The following TMEM92 variants were observed in gnomAD, a reference collection of about 807,000 sequenced individuals.
The protein encoded by TMEM92 is transmembrane protein 92.
A neutral mutation model predicts 14.6 loss-of-function variants in TMEM92; 15 were observed. That is an observed-to-expected ratio of 1.03 (90% CI 0.69 to 1.58). The LOEUF (loss-of-function observed/expected upper bound fraction) is 1.58, where lower values mean the gene tolerates loss of function less well. Among genes scored for constraint, TMEM92 ranks in the 40% most tolerant of loss-of-function variants. TMEM92 has a pLI of 0.00. For missense variants in TMEM92, 174 were observed against 202.4 expected (o/e 0.86, Z 0.85); for synonymous variants, 85 against 83.3 (o/e 1.02, Z -0.11).
upstream of TMEM92, among the ~76,000 whole-genome samples, chr17:50,274,028 G>T (rs1195851604): frequency 6.6e-6 from 1 of 152,072 alleles, no homozygotes; most frequent in East Asian, 1.9e-4. Flanking sequence ...GCCCAGGCTG[G>T]AGTGCACTGG....
In TMEM92 at chr17:50,279,258, C is replaced by T. The variant is rs1354243825; in HGVS notation, c.430C>T (p.Pro144Ser). ...TEPPPPYSFR[P>S]EEYTGDQRGI... ...GCCACCCCCTCCCTACAGCTTCAGG[C>T]CTGAAGAATATACCGGGGATCAGAG... Residue 144 changes from proline to serine, a missense_variant, in exon 5 of 5, where the codon CCT becomes TCT. Transcript: ENST00000507382. The T allele has an allele frequency of 2.5e-6, 4 of 1,613,706 alleles. No individual in the cohort carries two copies. The highest frequency in any genetic ancestry group is 3.4e-6 in the Non-Finnish European group (4 of 1,179,902).
chr17:50,279,408 C>G lies in TMEM92; in HGVS notation c.*100C>G, dbSNP rs1049517461. 2.2e-6 allele frequency: 2 copies of G among 900,394 alleles called. No individual in the cohort carries two copies. The highest frequency in any genetic ancestry group is 3.6e-6 in the Non-Finnish European group (2 of 554,446). The allele number at this position is 900,394 out of a possible 1,614,324, so 55.8% of individuals were successfully genotyped here. The stretch of plus-strand genomic sequence containing the variant: ...GCACCCCAGGAATGTCCCTGCCCAT[C>G]CTGCCGTGTCTCTGTTCATTCTTGG... On this transcript the variant is annotated 3_prime_UTR_variant, in exon 5 of 5. Transcript: ENST00000507382.
At chr17:50,275,361 A>G (rs1450968686) in intron 1 of TMEM92, among the ~76,000 whole-genome samples, 1 of 152,066 alleles carries the variant, frequency 6.6e-6, no homozygotes. Context: ...GAGCTTTCAG[A>G]GAGGCTCTGC....
Position 50,279,254 on chromosome 17 carries a change from C to T in TMEM92, c.426C>T (p.Phe142=), listed in dbSNP as rs759472234. 14 of 1,613,832 alleles carry T rather than the reference C, an allele frequency of 8.7e-6. No individual in the cohort carries two copies. The highest frequency in any genetic ancestry group is 1.3e-5 in the African/African-American group (1 of 74,902). The part of the protein sequence containing the change: ...TPTEPPPPYS[F]RPEEYTGDQR... ...CAGAGCCACCCCCTCCCTACAGCTT[C>T]AGGCCTGAAGAATATACCGGGGATC... Residue 142 remains phenylalanine, a synonymous_variant, in exon 5 of 5, where the codon TTC becomes TTT. Transcript: ENST00000507382.
chr17:50,280,230 T>C lies in TMEM92; in HGVS notation c.*922T>C, dbSNP rs976206791. Reference sequence around the variant, plus strand: ...CAGGAAACCACCTGCTGGGAGACAATGGGGGTGGGGAAAAGCCCAGGAGAG... The same window carrying C: ...CAGGAAACCACCTGCTGGGAGACAACGGGGGTGGGGAAAAGCCCAGGAGAG... On this transcript the variant is annotated 3_prime_UTR_variant, in exon 5 of 5. Coordinates refer to ENST00000507382, the MANE Select transcript of TMEM92 (RefSeq NM_153229.3). 3.9e-5 allele frequency: 6 copies of C among 152,072 alleles called. No homozygotes were observed. Among genetic ancestry groups the C allele is most frequent in the Admixed American group, 2.6e-4 (4 of 15,274 alleles). 9.4% of individuals were successfully genotyped at this position (152,072 alleles called of 1,614,324 possible).
rs1351304225 is a variant in TMEM92 at position 50,279,269 on chromosome 17, T to C, written c.441T>C (p.Tyr147=). 1.2e-6 allele frequency: 2 copies of C among 1,613,678 alleles called. No individual in the cohort carries two copies. Among genetic ancestry groups the C allele is most frequent in the East Asian group, 4.5e-5 (2 of 44,858 alleles). Residue 147 remains tyrosine (Y), a synonymous_variant, in exon 5 of 5, where the codon TAT becomes TAC. Transcript: ENST00000507382. ...CCTACAGCTTCAGGCCTGAAGAATATACCGGGGATCAGAGGGGCATTGACA... is the reference window on the plus strand; with the variant it reads ...CCTACAGCTTCAGGCCTGAAGAATACACCGGGGATCAGAGGGGCATTGACA... The part of the protein sequence containing the change: ...PPPYSFRPEE[Y]TGDQRGIDNP...
intron 1 of TMEM92, chr17:50,275,018 G>A (rs1391280732): frequency 6.3e-6 from 1 of 159,494 alleles, no homozygotes; most frequent in Non-Finnish European, 1.4e-5. Context: ...CTAGGGGAGA[G>A]AAGGCTCTTT....
chr17:50,277,687 G>T (rs764678245), intron 1 of TMEM92, 28 bp from the exon 2 acceptor site: 2 of 1,613,824 alleles, frequency 1.2e-6, no homozygotes, highest in Non-Finnish European at 8.5e-7. Context: ...TTATGACCCT[G>T]ACCCCCGACC....
intron 1 of TMEM92, among the ~76,000 whole-genome samples, chr17:50,276,306 C>T (rs1272899161): frequency 2.0e-5 from 3 of 152,118 alleles, no homozygotes; most frequent in Non-Finnish European, 4.4e-5. Context: ...ATAGTCATTC[C>T]TGTGTGCTGT....
In TMEM92 at chr17:50,279,348, C is replaced by T. The variant is rs1400373074; in HGVS notation, c.*40C>T. ...GGAATCTTGCCATCAGCAACCTCCT[C>T]CCCAGTGCCTCCTGGATCAAGCTAG... On this transcript the variant is annotated 3_prime_UTR_variant, in exon 5 of 5. Coordinates refer to ENST00000507382, the MANE Select transcript of TMEM92 (RefSeq NM_153229.3). 1 of 1,526,508 alleles carries T rather than the reference C, an allele frequency of 6.6e-7. No individual in the cohort carries two copies. The highest frequency in any genetic ancestry group is 1.1e-5 in the South Asian group (1 of 89,296). 94.6% of individuals were successfully genotyped at this position (1,526,508 alleles called of 1,614,324 possible).
In TMEM92 at chr17:50,279,256, G is replaced by C. The variant is rs1240363156; in HGVS notation, c.428G>C (p.Arg143Thr). 6.2e-7 allele frequency: 1 copy of C among 1,613,706 alleles called. No homozygotes were observed. The highest frequency in any genetic ancestry group is 8.5e-7 in the Non-Finnish European group (1 of 1,179,898). The change falls in exon 5 of 5, where the codon AGG becomes ACG. Residue 143 changes from arginine to threonine, a missense_variant. Coordinates refer to ENST00000507382, the MANE Select transcript of TMEM92 (RefSeq NM_153229.3). Reference sequence around the variant, plus strand: ...GAGCCACCCCCTCCCTACAGCTTCAGGCCTGAAGAATATACCGGGGATCAG... The same window carrying C: ...GAGCCACCCCCTCCCTACAGCTTCACGCCTGAAGAATATACCGGGGATCAG... Reference protein sequence around the residue: ...PTEPPPPYSFRPEEYTGDQRG... With the variant: ...PTEPPPPYSFTPEEYTGDQRG...
rs767237731 is a variant in TMEM92 at position 50,278,658 on chromosome 17, G to T, written c.170+28G>T. 3.1e-6 allele frequency: 5 copies of T among 1,610,100 alleles called. No homozygotes were observed. The South Asian group carries it at 4.4e-5, about 14-fold the overall frequency. On this transcript the variant is annotated intron_variant, in intron 3 of 4. Transcript: ENST00000507382. Reference sequence around the variant, plus strand: ...GAGCCCAGGGCCAGCTCCTTTGGGTGCAGTCCTTGGAGGGGCCTGGTCCTG... The same window carrying T: ...GAGCCCAGGGCCAGCTCCTTTGGGTTCAGTCCTTGGAGGGGCCTGGTCCTG...
chr17:50,274,031 T>G (rs1477108609), upstream of TMEM92, among the ~76,000 whole-genome samples: 1 of 152,114 alleles, frequency 6.6e-6, no homozygotes, highest in Non-Finnish European at 1.5e-5. Context: ...CAGGCTGGAG[T>G]GCACTGGCAC....
At chr17:50,275,673 G>A (rs117253512) in intron 1 of TMEM92, among the ~76,000 whole-genome samples, 399 of 152,034 alleles carry the variant, frequency 2.6e-3, no homozygotes, top group Non-Finnish European at 4.2e-3. Context: ...CTCCCAAACC[G>A]GAACTTGAGA....
chr17:50,272,429 G>A (rs914219765), upstream of TMEM92, among the ~76,000 whole-genome samples: 1 of 152,208 alleles, frequency 6.6e-6, no homozygotes, highest in Non-Finnish European at 1.5e-5. Flanking sequence ...GAGACCCCAG[G>A]CCTTGCTGTT....
chr17:50,272,471 C>G (rs1049398384), upstream of TMEM92, among the ~76,000 whole-genome samples: 1 of 152,060 alleles, frequency 6.6e-6, no homozygotes, highest in Non-Finnish European at 1.5e-5. Flanking sequence ...CAAGAAGAAC[C>G]CTGGCAGCCC....
rs960238772 is a variant in TMEM92, at chr17:50,277,668, A to C, written c.70-47A>C. On this transcript the variant is annotated intron_variant, in intron 1 of 4. Coordinates refer to ENST00000507382, the MANE Select transcript of TMEM92 (RefSeq NM_153229.3). ...TCTGAGTGGAGACCCTACCCCCACT[A>C]TCCCCAGTTTATGACCCTGACCCCC... is the stretch of plus-strand genomic sequence containing the variant. 8.7e-6 allele frequency: 14 copies of C among 1,612,666 alleles called. No homozygotes were observed. In the Admixed American group the frequency reaches 1.8e-4, roughly 21 times the overall value.
upstream of TMEM92, among the ~76,000 whole-genome samples, chr17:50,273,207 C>G (rs1015408636): frequency 6.6e-6 from 1 of 152,190 alleles, no homozygotes; most frequent in Non-Finnish European, 1.5e-5. Context: ...CCCCCTCTCC[C>G]CCTCCCGCGG....
chr17:50,279,695 A>G lies in TMEM92; in HGVS notation c.*387A>G, dbSNP rs766521234. 99 of 272,500 alleles carry G rather than the reference A, an allele frequency of 3.6e-4. No individual in the cohort carries two copies. Among genetic ancestry groups the G allele is most frequent in the South Asian group, 1.0e-3 (30 of 30,066 alleles). The allele number at this position is 272,500 out of a possible 1,614,324, so 16.9% of individuals were successfully genotyped here. On this transcript the variant is annotated 3_prime_UTR_variant, in exon 5 of 5. Coordinates refer to ENST00000507382, the MANE Select transcript of TMEM92 (RefSeq NM_153229.3). ...CAGGGCACTTCTATACCTGTGGGACATTGGACTGGATGAGCCCTGAGCCAG... is the reference window on the plus strand; with the variant it reads ...CAGGGCACTTCTATACCTGTGGGACGTTGGACTGGATGAGCCCTGAGCCAG...
Sources: gnomAD v4.1 joint callset for allele counts (sites outside exome capture counted in the v4.1 genomes callset) on GRCh38, gnomAD v4.1.1 for gene constraint, MANE v1.5 for transcripts, NCBI Gene and HGNC (gene_info 2026-07-23, HGNC 2026-07-21) for gene names.